XKR4: variants seen among roughly 807,000 people sequenced by gnomAD.
XKR4 encodes the protein XK related 4.
Under a neutral mutation model 53.9 loss-of-function variants are expected in XKR4, and 12 were observed. The observed-to-expected ratio is 0.22, with a 90% CI of 0.14 to 0.36. The LOEUF is 0.36. Ranked by LOEUF, XKR4 falls within the 10% of genes least tolerant of loss-of-function variation. The pLI is 1.00. For missense variants in XKR4, 799 were observed against 859.5 expected (o/e 0.93, Z 0.88); for synonymous variants, 354 against 362.4 (o/e 0.98, Z 0.26).
At chr8:55,457,147 T>TTTTC (rs1256704674) in intron 2 of XKR4, among the ~76,000 whole-genome samples, 2 of 51,448 alleles carry the variant, frequency 3.9e-5, no homozygotes, top group Non-Finnish European at 8.5e-5. Context: ...TTTCCTTTTC[T>TTTTC]TTTTTTTTTT....
In XKR4 at chr8:55,230,552, G is replaced by A. The variant is rs1818021740; in HGVS notation, c.807-127126G>A. On this transcript the variant is annotated intron_variant, in intron 1 of 2. Coordinates refer to ENST00000327381, the MANE Select transcript of XKR4 (RefSeq NM_052898.2). ...CTGGCTAATTTTCATATTTTTAGTA[G>A]AGACAGGGTTTCACCATGTTGGCCA... is the stretch of plus-strand genomic sequence containing the variant. Among the ~76,000 whole-genome samples, 4 of 152,032 alleles carry A rather than the reference G, an allele frequency of 2.6e-5. No individual in the cohort carries two copies. The South Asian group carries it at 8.3e-4, about 32-fold the overall frequency.
chr8:55,167,599 AG>A (rs1355535512), intron 1 of XKR4, among the ~76,000 whole-genome samples: 1 of 152,186 alleles, frequency 6.6e-6, no homozygotes, highest in African/African-American at 2.4e-5. Flanking sequence ...ATGACCACTG[AG>A]ATTCAGTAGT....
At position 55,526,156 on chromosome 8, in the gene XKR4, G is replaced by T. The variant is rs1053733858; in HGVS notation, c.*1929G>T. ...AAGTATTAGTCAAACCACTAAAAAA[G>T]AAAAAGAAAAAAGTTTAACTTAATT... On this transcript the variant is annotated 3_prime_UTR_variant, in exon 3 of 3. Transcript: ENST00000327381. 1 of 152,440 alleles carries T rather than the reference G, an allele frequency of 6.6e-6. No homozygotes were observed. The highest frequency in any genetic ancestry group is 1.5e-5 in the Non-Finnish European group (1 of 67,998). The allele number at this position is 152,440 out of a possible 1,614,324, so 9.4% of individuals were successfully genotyped here. A position where few individuals can be genotyped will look rare whatever the true frequency, so the allele number is the denominator to read the frequency against.
chr8:55,377,196 A>G (rs1016861223), intron 2 of XKR4, among the ~76,000 whole-genome samples: 3 of 152,154 alleles, frequency 2.0e-5, no homozygotes, highest in African/African-American at 7.2e-5. Context: ...CTTGCTGGAA[A>G]TCTTGTCTCC....
At chr8:55,484,668 C>A (rs1806166638) in intron 2 of XKR4, among the ~76,000 whole-genome samples, 1 of 152,172 alleles carries the variant, frequency 6.6e-6, no homozygotes, top group Non-Finnish European at 1.5e-5. Context: ...TGTAAGGGTG[C>A]TTTTGGGTGA....
At chr8:55,155,819 G>T (rs1030914816) in intron 1 of XKR4, among the ~76,000 whole-genome samples, 1 of 152,098 alleles carries the variant, frequency 6.6e-6, no homozygotes, top group Non-Finnish European at 1.5e-5. Flanking sequence ...TTCAACCCTG[G>T]CATCAACAGC....
chr8:55,150,148 G>T (rs1056189495), intron 1 of XKR4, among the ~76,000 whole-genome samples: 5 of 152,044 alleles, frequency 3.3e-5, no homozygotes, highest in Admixed American at 6.6e-5. Context: ...CCATTTCATG[G>T]GTTATTTGCT....
intron 1 of XKR4, among the ~76,000 whole-genome samples, chr8:55,290,543 C>T (rs1819004408): frequency 6.6e-6 from 1 of 152,150 alleles, no homozygotes; most frequent in Non-Finnish European, 1.5e-5. Context: ...TTAAGCCCAA[C>T]ATGCATTAGC....
At chr8:55,436,588 A>C (rs1221810109) in intron 2 of XKR4, among the ~76,000 whole-genome samples, 1 of 152,210 alleles carries the variant, frequency 6.6e-6, no homozygotes, top group Non-Finnish European at 1.5e-5. Context: ...TAACTCAAAG[A>C]GGACTTTTCT....
At chr8:55,353,611 G>A (rs1803757027) in intron 1 of XKR4, among the ~76,000 whole-genome samples, 1 of 152,154 alleles carries the variant, frequency 6.6e-6, no homozygotes, top group Non-Finnish European at 1.5e-5. Context: ...AGCAGCTCTA[G>A]GAAACTAATA....
chr8:55,158,748 A>G (rs941585582), intron 1 of XKR4, among the ~76,000 whole-genome samples: 2 of 151,990 alleles, frequency 1.3e-5, no homozygotes, highest in Admixed American at 6.5e-5. Context: ...ACCTTTCCAC[A>G]TTGCTTGTTT....
chr8:55,456,510 A>G (rs1805572958), intron 2 of XKR4, among the ~76,000 whole-genome samples: 1 of 152,234 alleles, frequency 6.6e-6, no homozygotes, highest in South Asian at 2.1e-4. Flanking sequence ...ATATGTGGCA[A>G]ACAAATAATT....
chr8:55,109,481 G>T (rs896425059), intron 1 of XKR4, among the ~76,000 whole-genome samples: 1 of 152,128 alleles, frequency 6.6e-6, no homozygotes, highest in Non-Finnish European at 1.5e-5. Flanking sequence ...ACCCCTGAGT[G>T]CTGGCTTTGG....
At chr8:55,149,757 T>A (rs910762005) in intron 1 of XKR4, among the ~76,000 whole-genome samples, 1 of 152,334 alleles carries the variant, frequency 6.6e-6, no homozygotes, top group African/African-American at 2.4e-5. Flanking sequence ...TCTAGTTGTT[T>A]GTTAACTATT....
intron 2 of XKR4, among the ~76,000 whole-genome samples, chr8:55,445,144 G>A (rs554430231): frequency 2.6e-5 from 4 of 152,162 alleles, no homozygotes; most frequent in South Asian, 2.1e-4. Flanking sequence ...TGCAAGCTCC[G>A]CCTCCCGGGT....
At chr8:55,193,913 C>T (rs937449204) in intron 1 of XKR4, among the ~76,000 whole-genome samples, 3 of 152,142 alleles carry the variant, frequency 2.0e-5, no homozygotes, top group Non-Finnish European at 2.9e-5. Flanking sequence ...GCCTCATAGC[C>T]GACCTTGCAG....
At chr8:55,266,247 T>C (rs1818599103) in intron 1 of XKR4, among the ~76,000 whole-genome samples, 1 of 151,568 alleles carries the variant, frequency 6.6e-6, no homozygotes, top group African/African-American at 2.4e-5. Flanking sequence ...CAAGGAGTGA[T>C]GTGAGCGCAG....
intron 1 of XKR4, among the ~76,000 whole-genome samples, chr8:55,239,576 G>T (rs1218624369): frequency 6.6e-6 from 1 of 152,100 alleles, no homozygotes; most frequent in African/African-American, 2.4e-5. Flanking sequence ...CTGTTGAATT[G>T]ATTGTGTTCC....
At chr8:55,510,754 G>A (rs548336561) in intron 2 of XKR4, among the ~76,000 whole-genome samples, 1 of 152,282 alleles carries the variant, frequency 6.6e-6, no homozygotes, top group East Asian at 1.9e-4. Context: ...GTCTTCCCCA[G>A]GAAAAACTTT....
Sources: allele counts gnomAD v4.1 joint callset (sites outside exome capture counted in the v4.1 genomes callset), GRCh38; gene constraint gnomAD v4.1.1; transcripts MANE v1.5; gene names NCBI Gene and HGNC (gene_info 2026-07-23, HGNC 2026-07-21).